C12orf54: variants seen among roughly 807,000 people sequenced by gnomAD.
C12orf54 encodes chromosome 12 open reading frame 54, also known as uncharacterized protein C12orf54.
A neutral mutation model predicts 26.4 loss-of-function variants in C12orf54; 24 were observed. The observed-to-expected ratio is 0.91, with a 90% CI of 0.66 to 1.28. The LOEUF is 1.28. Ranked by LOEUF, C12orf54 falls within the 50% of genes most tolerant of loss-of-function variation. C12orf54 has a pLI of 0.00. For synonymous variants in C12orf54, 54 were observed against 47.0 expected (o/e 1.15, Z -0.61); for missense variants, 154 against 150.9 (o/e 1.02, Z -0.11).
chr12:48,426,528 G>T, the C12orf54 span, among the ~76,000 whole-genome samples: 21 of 152,212 alleles, frequency 1.4e-4, no homozygotes, highest in Non-Finnish European at 2.1e-4. Context: ...GATGCCTCCA[G>T]CTTTGTTCTT....
chr12:48,449,360 T>C, the C12orf54 span, among the ~76,000 whole-genome samples: 2 of 152,132 alleles, frequency 1.3e-5, no homozygotes, highest in Non-Finnish European at 2.9e-5. Flanking sequence ...CAAAGAAACA[T>C]GTTTTGAGGT....
chr12:48,425,124 G>C, the C12orf54 span, among the ~76,000 whole-genome samples: 1 of 151,992 alleles, frequency 6.6e-6, no homozygotes, highest in African/African-American at 2.4e-5. Flanking sequence ...GTGCAGGTTT[G>C]TTATATAGGT....
At chr12:48,425,003 A>G in the C12orf54 span, among the ~76,000 whole-genome samples, 2 of 152,144 alleles carry the variant, frequency 1.3e-5, no homozygotes, top group African/African-American at 4.8e-5. Context: ...TTTTTCAAAA[A>G]TGATCAAATT....
the C12orf54 span, among the ~76,000 whole-genome samples, chr12:48,449,334 C>T: frequency 1.3e-5 from 2 of 152,132 alleles, no homozygotes; most frequent in African/African-American, 4.8e-5. Context: ...CTTCATGGGG[C>T]CATTTCAAAA....
the C12orf54 span, among the ~76,000 whole-genome samples, chr12:48,462,529 A>T: frequency 3.3e-5 from 5 of 151,650 alleles, no homozygotes; most frequent in African/African-American, 7.2e-5. Context: ...TATAAAGAAG[A>T]TAACACATTA....
chr12:48,449,824 G>C, the C12orf54 span, among the ~76,000 whole-genome samples: 1 of 150,178 alleles, frequency 6.7e-6, no homozygotes, highest in Non-Finnish European at 1.5e-5. Context: ...TCTCAACTAT[G>C]TCCCCACCCA....
chr12:48,472,723 A>C, the C12orf54 span: 1 of 1,614,210 alleles, frequency 6.2e-7, no homozygotes, highest in Non-Finnish European at 8.5e-7. Flanking sequence ...TCCGATGTGA[A>C]AGAACTTTTC....
At chr12:48,414,357 G>T in the C12orf54 span, among the ~76,000 whole-genome samples, 5 of 152,196 alleles carry the variant, frequency 3.3e-5, no homozygotes, top group Non-Finnish European at 7.4e-5. Context: ...AAGAACTCAC[G>T]CAGTTCTCCG....
chr12:48,436,289 G>C, the C12orf54 span, among the ~76,000 whole-genome samples: 2 of 152,160 alleles, frequency 1.3e-5, no homozygotes, highest in African/African-American at 2.4e-5. Context: ...AACAGACTTA[G>C]ACTCCCACAC....
At chr12:48,474,935 A>T in the C12orf54 span, among the ~76,000 whole-genome samples, 6 of 152,234 alleles carry the variant, frequency 3.9e-5, no homozygotes, top group Admixed American at 1.3e-4. Context: ...ATCTGAGAAC[A>T]GGCAGACTGC....
At chr12:48,473,137 C>T in the C12orf54 span, 5 of 1,601,012 alleles carry the variant, frequency 3.1e-6, no homozygotes, top group East Asian at 2.2e-5. Context: ...GCCCCTAACT[C>T]GGATGGTGAG....
At chr12:48,494,047 C>T (rs1165050610) in intron 7 of C12orf54, among the ~76,000 whole-genome samples, 1 of 126,994 alleles carries the variant, frequency 7.9e-6, no homozygotes, top group Non-Finnish European at 1.7e-5. Context: ...AGTGAAACCC[C>T]GTCTCTACTA....
At chr12:48,443,713 T>A in the C12orf54 span, among the ~76,000 whole-genome samples, 1 of 151,758 alleles carries the variant, frequency 6.6e-6, no homozygotes, top group African/African-American at 2.4e-5. Context: ...AAACATAGAT[T>A]ACCTACTAAC....
chr12:48,449,095 G>A, the C12orf54 span, among the ~76,000 whole-genome samples: 1 of 152,198 alleles, frequency 6.6e-6, no homozygotes, highest in Non-Finnish European at 1.5e-5. Context: ...AAACATTCAG[G>A]TTGAGATAGA....
intron 7 of C12orf54, among the ~76,000 whole-genome samples, chr12:48,494,386 G>C (rs1254850063): frequency 6.6e-6 from 1 of 152,006 alleles, no homozygotes; most frequent in Non-Finnish European, 1.5e-5. Flanking sequence ...GCTTTAACTT[G>C]CTCAGTGCTG....
chr12:48,419,415 A>T, the C12orf54 span, among the ~76,000 whole-genome samples: 1 of 152,180 alleles, frequency 6.6e-6, no homozygotes, highest in Admixed American at 6.5e-5. Context: ...TAGATAACTT[A>T]TGTGCAGTGA....
chr12:48,483,219 T>C, intron 1 of C12orf54, 21 bp from the exon 2 acceptor site: 1 of 1,299,042 alleles, frequency 7.7e-7, no homozygotes, highest in South Asian at 1.2e-5. Flanking sequence ...CTTCTCCGCA[T>C]ATTCATTTAT....
the C12orf54 span, among the ~76,000 whole-genome samples, chr12:48,453,619 AAACT>A: frequency 1.0e-5 from 1 of 99,828 alleles, no homozygotes; most frequent in African/African-American, 2.7e-5. Context: ...ATATTCAAAG[AAACT>A]AATTTGCCCA....
At chr12:48,449,011 C>G in the C12orf54 span, among the ~76,000 whole-genome samples, 1 of 152,110 alleles carries the variant, frequency 6.6e-6, no homozygotes, top group Non-Finnish European at 1.5e-5. Flanking sequence ...AGCTTCCAGG[C>G]TATAGGCAAA....
Sources: gnomAD v4.1 joint callset for allele counts (sites outside exome capture counted in the v4.1 genomes callset) on GRCh38, gnomAD v4.1.1 for gene constraint, MANE v1.5 for transcripts, NCBI Gene and HGNC (gene_info 2026-07-23, HGNC 2026-07-21) for gene names.